Variants in SMC5 observed in about 807,000 individuals in gnomAD.
The protein encoded by SMC5 is structural maintenance of chromosomes 5.
Under a neutral mutation model 148.3 loss-of-function variants are expected in SMC5, and 88 were observed. That is an observed-to-expected ratio of 0.59 (90% CI 0.50 to 0.71). The LOEUF is 0.71. SMC5 is among the 30% of genes least tolerant of loss of function. SMC5 has a pLI of 0.00. For missense variants in SMC5, 1,142 were observed against 1,298.9 expected, an observed-to-expected ratio of 0.88 and a Z score of 1.86; for synonymous variants, 421 against 432.8, an observed-to-expected ratio of 0.97 and a Z score of 0.34.
chr9:70,309,178 G>A (rs895158545), intron 11 of SMC5, among the ~76,000 whole-genome samples: 20 of 152,262 alleles, frequency 1.3e-4, no homozygotes, highest in African/African-American at 4.6e-4. Context: ...GGTAGTTGCT[G>A]AAGGTTGGGG....
intron 1 of SMC5, among the ~76,000 whole-genome samples, chr9:70,263,638 A>G (rs1260336880): frequency 6.6e-6 from 1 of 152,176 alleles, no homozygotes; most frequent in East Asian, 1.9e-4. Flanking sequence ...CTATAATTAG[A>G]GTGCTAGTCA....
At chr9:70,344,011 T>G (rs926969987) in intron 17 of SMC5, 133 bp from the exon 18 acceptor site, 7 of 520,900 alleles carry the variant, frequency 1.3e-5, no homozygotes, top group Non-Finnish European at 2.1e-5. Context: ...AGTCATTATT[T>G]AAGAAACAGT....
intron 11 of SMC5, among the ~76,000 whole-genome samples, chr9:70,313,552 C>G (rs1024026232): frequency 6.6e-6 from 1 of 152,032 alleles, no homozygotes; most frequent in Non-Finnish European, 1.5e-5. Flanking sequence ...GGCTGGAGTG[C>G]AATGGCATGA....
intron 14 of SMC5, 49 bp from the exon 15 acceptor site, chr9:70,318,744 TC>T (rs776089150): frequency 1.3e-6 from 2 of 1,555,644 alleles, no homozygotes; most frequent in African/African-American, 2.8e-5. Flanking sequence ...TCTAATAGTT[TC>T]ACTGGAACAG....
At chr9:70,280,730 A>G (rs960778479) in intron 5 of SMC5, 29 bp from the exon 6 acceptor site, 1 of 1,574,118 alleles carries the variant, frequency 6.4e-7, no homozygotes, top group Non-Finnish European at 8.6e-7. Flanking sequence ...TTTCTGTCAA[A>G]CTGATTGTTC....
chr9:70,323,996 A>G (rs1446008872), intron 16 of SMC5, 25 bp from the exon 17 acceptor site: 3 of 1,503,716 alleles, frequency 2.0e-6, no homozygotes, highest in African/African-American at 2.8e-5. Flanking sequence ...CATAAAAATT[A>G]ACTCTTAGGG....
In SMC5 at chr9:70,331,175, T is replaced by A. The variant is rs112415210; in HGVS notation, c.2397+7032T>A. 4.3e-3 allele frequency among the ~76,000 whole-genome samples: 649 copies of A among 152,288 alleles called. 5 individuals are homozygous for A. Among genetic ancestry groups the A allele is most frequent in the African/African-American group, 0.014 (563 of 41,574 alleles). On this transcript the variant is annotated intron_variant, in intron 17 of 24. Coordinates refer to ENST00000361138, the MANE Select transcript of SMC5 (RefSeq NM_015110.4). ...CAAGTATCAGTTTTTAATTTTAAAT[T>A]TAAATTCAAATTTAAAATTCAGTTT... is the stretch of plus-strand genomic sequence containing the variant.
In SMC5 at chr9:70,354,552, T is replaced by C. The variant is rs997464752; in HGVS notation, c.*2221T>C. 1.3e-5 allele frequency: 2 copies of C among 152,206 alleles called. No individual in the cohort carries two copies. Among genetic ancestry groups the C allele is most frequent in the East Asian group, 1.9e-4 (1 of 5,206 alleles). The allele number at this position is 152,206 out of a possible 1,614,324, so 9.4% of individuals were successfully genotyped here. On this transcript the variant is annotated 3_prime_UTR_variant, in exon 25 of 25. Coordinates refer to ENST00000361138, the MANE Select transcript of SMC5 (RefSeq NM_015110.4). The stretch of plus-strand genomic sequence containing the variant: ...AAGTTGATTTTTAATTACATAAAAA[T>C]CGTAAAAACTTCTAGTAAAAACTTG...
chr9:70,281,375 G>C (rs2034745776), intron 6 of SMC5, among the ~76,000 whole-genome samples: 1 of 152,042 alleles, frequency 6.6e-6, no homozygotes, highest in African/African-American at 2.4e-5. Flanking sequence ...CTGTGTGCTA[G>C]TTGTTACTGT....
At chr9:70,313,764 T>G (rs2035722455) in intron 11 of SMC5, among the ~76,000 whole-genome samples, 1 of 152,190 alleles carries the variant, frequency 6.6e-6, no homozygotes, top group African/African-American at 2.4e-5. Flanking sequence ...CCTCCCAAAG[T>G]GCTGCGATTA....
rs1189505987 is a variant in SMC5 at position 70,305,273 on chromosome 9, C to A, written c.1491C>A (p.Ala497=). Residue 497 remains alanine, a synonymous_variant, in exon 11 of 25, where the codon GCC becomes GCA. Transcript: ENST00000361138. ...TCAATATGAAAGATAATAAAAATGCCAAATATATTGAAAATCATATTCCAT... is the reference window on the plus strand; with the variant it reads ...TCAATATGAAAGATAATAAAAATGCAAAATATATTGAAAATCATATTCCAT... ...LTINMKDNKN[A]KYIENHIPSN... is the part of the protein sequence containing the mutation. 8 of 1,582,518 alleles carry A rather than the reference C, an allele frequency of 5.1e-6. No homozygotes were observed. In the African/African-American group the frequency reaches 1.1e-4, roughly 21 times the overall value.
chr9:70,284,988 C>T (rs911610364), intron 7 of SMC5, among the ~76,000 whole-genome samples: 2 of 151,986 alleles, frequency 1.3e-5, no homozygotes, highest in East Asian at 1.9e-4. Context: ...ACTCAGCTGT[C>T]TGACCTTCAG....
intron 9 of SMC5, among the ~76,000 whole-genome samples, chr9:70,298,602 T>G (rs1032345672): frequency 6.6e-6 from 1 of 152,128 alleles, no homozygotes; most frequent in Admixed American, 6.5e-5. Context: ...TTTCTTTTTT[T>G]GTAGACCATG....
chr9:70,259,195 G>A lies in SMC5; in HGVS notation c.117G>A (p.Leu39=), dbSNP rs1415840647. 7.5e-6 allele frequency: 12 copies of A among 1,609,146 alleles called. No individual in the cohort carries two copies. Among genetic ancestry groups the A allele is most frequent in the Non-Finnish European group, 1.0e-5 (12 of 1,177,664 alleles). Residue 39 remains leucine (L), a synonymous_variant, in exon 1 of 25, where the codon CTG becomes CTA. Coordinates refer to ENST00000361138, the MANE Select transcript of SMC5 (RefSeq NM_015110.4). ...PSKRKNSAPQ[L]PLLQSSGPFV... is the part of the protein sequence containing the mutation. ...AGAGGAAGAATTCGGCCCCGCAGCT[G>A]CCGCTGTTGCAGTCGTCCGGGCCTT... is the stretch of plus-strand genomic sequence containing the variant.
At chr9:70,267,284 T>C (rs895143644) in intron 2 of SMC5, among the ~76,000 whole-genome samples, 2 of 152,214 alleles carry the variant, frequency 1.3e-5, no homozygotes, top group African/African-American at 2.4e-5. Flanking sequence ...TATAGCCTGA[T>C]TTAAGATCCA....
intron 15 of SMC5, among the ~76,000 whole-genome samples, chr9:70,319,406 T>C (rs1029829954): frequency 6.6e-6 from 1 of 152,168 alleles, no homozygotes; most frequent in African/African-American, 2.4e-5. Flanking sequence ...CAAAATACAT[T>C]TAGTGAGAAG....
In SMC5 at chr9:70,350,388, A is replaced by G. The variant is rs754414457; in HGVS notation, c.3082A>G (p.Ile1028Val). The change falls in exon 24 of 25, where the codon ATC becomes GTC. Residue 1028 changes from isoleucine (I) to valine (V), a missense_variant. Physicochemically the swap from Ile to Val is conservative, Grantham distance 29. This residue lies in a region of SMC5 where 30 missense variants were observed against 65.3 expected (regional missense o/e 0.46). Transcript: ENST00000361138. ...VDEINQGMDP[I>V]NERRVFEMVV... ...TGCCATTGTTTAGGGAATGGACCCA[A>G]TCAATGAACGGAGAGTGTTTGAAAT... 3 of 1,610,292 alleles carry G rather than the reference A, an allele frequency of 1.9e-6. No homozygotes were observed. The highest frequency in any genetic ancestry group is 2.5e-6 in the Non-Finnish European group (3 of 1,178,844).
Position 70,353,988 on chromosome 9 carries a change from G to GTT in SMC5, c.*1658_*1659insTT, listed in dbSNP as rs576438572. On this transcript the variant is annotated 3_prime_UTR_variant, in exon 25 of 25. Coordinates refer to ENST00000361138, the MANE Select transcript of SMC5 (RefSeq NM_015110.4). ...ATGAGTATCAATGTGAAAAAGACAC[G>GTT]TGAAGATTAAGCATGTTTGAAAATA... 8.0e-4 allele frequency: 122 copies of GTT among 152,220 alleles called. 1 individual carries two copies. Among genetic ancestry groups the GTT allele is most frequent in the African/African-American group, 2.7e-3 (113 of 41,520 alleles). 9.4% of individuals were successfully genotyped at this position (152,220 alleles called of 1,614,324 possible).
chr9:70,346,528 A>C, intron 18 of SMC5, 77 bp from the exon 19 acceptor site: 1 of 1,401,198 alleles, frequency 7.1e-7, no homozygotes, highest in Non-Finnish European at 1.0e-6. Flanking sequence ...TTAGTTCTTC[A>C]TAAGTGCAGT....
Sources: gnomAD v4.1 joint callset for allele counts (sites outside exome capture counted in the v4.1 genomes callset) on GRCh38, gnomAD v4.1.1 for gene constraint, gnomAD v4.1.1 regional missense constraint, MANE v1.5 for transcripts, NCBI Gene and HGNC (gene_info 2026-07-23, HGNC 2026-07-21) for gene names.